Variants in IGSF11 observed in about 807,000 individuals in gnomAD.
IGSF11 encodes the protein CXADR like 1.
Under a neutral mutation model 41.0 loss-of-function variants are expected in IGSF11, and 22 were observed. That is an observed-to-expected ratio of 0.54 (90% CI 0.38 to 0.77). IGSF11 has a LOEUF of 0.77. Among genes scored for constraint, IGSF11 ranks in the 30% least tolerant of loss-of-function variants. The probability of loss-of-function intolerance (pLI) is 0.00; values close to 1 mark genes in which losing one functional copy is unlikely to be tolerated. For missense variants in IGSF11, 444 were observed against 530.8 expected, an observed-to-expected ratio of 0.84 and a Z score of 1.61; for synonymous variants, 219 against 201.3, an observed-to-expected ratio of 1.09 and a Z score of -0.74.
chr3:119,060,904 T>C (rs1942032605), intron 1 of IGSF11, among the ~76,000 whole-genome samples: 1 of 152,194 alleles, frequency 6.6e-6, no homozygotes, highest in Admixed American at 6.5e-5. Context: ...ATTAAATAGA[T>C]AACCCACTCT....
intron 1 of IGSF11, among the ~76,000 whole-genome samples, chr3:119,070,417 T>C (rs1051551653): frequency 3.1e-4 from 47 of 152,160 alleles, no homozygotes; most frequent in African/African-American, 1.0e-3. Flanking sequence ...ATGTATAAAG[T>C]GATGGGAGTT....
intron 1 of IGSF11, among the ~76,000 whole-genome samples, chr3:118,978,482 G>A (rs1251754510): frequency 6.6e-6 from 1 of 152,158 alleles, no homozygotes; most frequent in Non-Finnish European, 1.5e-5. Context: ...TGGAGGCAAA[G>A]AATAAGCCTG....
chr3:118,977,834 A>G (rs148521995), intron 1 of IGSF11, among the ~76,000 whole-genome samples: 613 of 152,290 alleles, frequency 4.0e-3, no homozygotes, highest in South Asian at 0.011. Flanking sequence ...AGTCCTAAGC[A>G]GCTGCAGCAC....
intron 1 of IGSF11, among the ~76,000 whole-genome samples, chr3:118,985,988 T>A (rs529857251): frequency 2.0e-5 from 3 of 152,210 alleles, no homozygotes; most frequent in Non-Finnish European, 4.4e-5. Context: ...AGGACTTCCA[T>A]GGGCTGGCCA....
In IGSF11 at chr3:118,902,447, T is replaced by TAG; in HGVS notation, c.*72_*73insCT. 1.8e-6 allele frequency: 1 copy of TAG among 563,916 alleles called. No homozygotes were observed. Among genetic ancestry groups the TAG allele is most frequent in the Non-Finnish European group, 3.4e-6 (1 of 298,020 alleles). The allele number at this position is 563,916 out of a possible 1,614,324, so 34.9% of individuals were successfully genotyped here. ...TAAGGAAGTGTTTCTTTCCCAGCACTCCCCACCCCACCCTCCCCCTTGTAT... is the reference window on the plus strand; with the variant it reads ...TAAGGAAGTGTTTCTTTCCCAGCACTAGCCCCACCCCACCCTCCCCCTTGTAT... On this transcript the variant is annotated 3_prime_UTR_variant, in exon 7 of 7. Coordinates refer to ENST00000393775, the MANE Select transcript of IGSF11 (RefSeq NM_001015887.3).
chr3:118,914,662 G>T (rs1350258203), intron 4 of IGSF11, among the ~76,000 whole-genome samples: 1 of 146,766 alleles, frequency 6.8e-6, no homozygotes, highest in African/African-American at 2.5e-5. Flanking sequence ...ACTGCAAGGC[G>T]GCAGCGAGGC....
intron 1 of IGSF11, among the ~76,000 whole-genome samples, chr3:118,995,267 C>T (rs772379878): frequency 6.6e-6 from 1 of 152,102 alleles, no homozygotes; most frequent in Non-Finnish European, 1.5e-5. Context: ...CTTTCAAATG[C>T]AATGTTACAT....
chr3:119,068,227 A>C (rs1942292124), intron 1 of IGSF11, among the ~76,000 whole-genome samples: 1 of 152,242 alleles, frequency 6.6e-6, no homozygotes, highest in Non-Finnish European at 1.5e-5. Flanking sequence ...AAGTATTTGC[A>C]GATGTCCTAA....
chr3:119,074,562 G>A (rs1404518279), intron 1 of IGSF11, among the ~76,000 whole-genome samples: 1 of 150,900 alleles, frequency 6.6e-6, no homozygotes, highest in East Asian at 1.9e-4. Context: ...CAAAAAGTTA[G>A]AAAGATCTGG....
At chr3:118,959,224 G>A (rs1361996899) in intron 1 of IGSF11, among the ~76,000 whole-genome samples, 3 of 152,138 alleles carry the variant, frequency 2.0e-5, no homozygotes, top group South Asian at 2.1e-4. Flanking sequence ...TCCCTGCCAC[G>A]AATTGTGGAC....
At chr3:119,073,718 C>A (rs1367135669) in intron 1 of IGSF11, among the ~76,000 whole-genome samples, 1 of 152,206 alleles carries the variant, frequency 6.6e-6, no homozygotes, top group Middle Eastern at 3.2e-3. Context: ...TGAGCCCACA[C>A]CCACCCGGAA....
At chr3:118,935,432 G>A (rs1221702782) in intron 1 of IGSF11, among the ~76,000 whole-genome samples, 5 of 141,904 alleles carry the variant, frequency 3.5e-5, no homozygotes, top group East Asian at 2.1e-4. Context: ...ATACATATAC[G>A]TATGTATATG....
chr3:119,034,922 T>C (rs1307780819), upstream of IGSF11: 1 of 877,464 alleles, frequency 1.1e-6, no homozygotes, highest in Non-Finnish European at 1.4e-6. Context: ...GCTCGGCTCC[T>C]CGCCGCGCCG....
chr3:119,104,939 C>G lies in IGSF11; in HGVS notation c.49+205G>C, dbSNP rs180751329. Reference sequence around the variant, plus strand: ...TCTGTCTTATTTCTTATTGAATCCACAGTGCCTGACACATAGCAAGGGCTC... The same window carrying G: ...TCTGTCTTATTTCTTATTGAATCCAGAGTGCCTGACACATAGCAAGGGCTC... On this transcript the variant is annotated intron_variant, in intron 1 of 6. Transcript: ENST00000354673. Among the ~76,000 whole-genome samples the G allele has an allele frequency of 8.5e-5, 13 of 152,264 alleles. 1 individual carries two copies. In the East Asian group the frequency reaches 2.3e-3, roughly 27 times the overall value.
intron 1 of IGSF11, among the ~76,000 whole-genome samples, chr3:118,982,377 C>A (rs546348979): frequency 6.6e-6 from 1 of 152,140 alleles, no homozygotes; most frequent in Non-Finnish European, 1.5e-5. Context: ...GGAACTCTTA[C>A]GTTTTCTCCT....
chr3:118,926,583 A>G (rs764387653), intron 3 of IGSF11, among the ~76,000 whole-genome samples: 1 of 152,242 alleles, frequency 6.6e-6, no homozygotes, highest in Non-Finnish European at 1.5e-5. Context: ...TTGTATCAAC[A>G]TGTTGCTTTT....
intron 1 of IGSF11, among the ~76,000 whole-genome samples, chr3:118,956,956 G>A (rs1945004633): frequency 6.6e-6 from 1 of 152,052 alleles, no homozygotes; most frequent in African/African-American, 2.4e-5. Context: ...TGAGTGTGTT[G>A]TGGGGCAGGG....
chr3:118,937,660 C>T (rs924621271), intron 1 of IGSF11, among the ~76,000 whole-genome samples: 3 of 152,180 alleles, frequency 2.0e-5, no homozygotes, highest in Non-Finnish European at 4.4e-5. Context: ...TACAGGATCA[C>T]TGCCAAGCTT....
intron 1 of IGSF11, among the ~76,000 whole-genome samples, chr3:119,140,531 T>C (rs2077629797): frequency 6.6e-6 from 1 of 152,176 alleles, no homozygotes; most frequent in Non-Finnish European, 1.5e-5. Context: ...GTTGGAGATG[T>C]CAATACTCCA....
Sources: allele counts gnomAD v4.1 joint callset (sites outside exome capture counted in the v4.1 genomes callset), GRCh38; gene constraint gnomAD v4.1.1; transcripts MANE v1.5; gene names NCBI Gene and HGNC (gene_info 2026-07-23, HGNC 2026-07-21).